The following SDK1 variants were observed in gnomAD, a reference collection of about 807,000 sequenced individuals.
SDK1 encodes the protein sidekick cell adhesion molecule 1, also known as protein sidekick-1.
A neutral mutation model predicts 245.5 loss-of-function variants in SDK1; 157 were observed. The ratio of observed to expected loss-of-function variants is 0.64; its 90% CI spans 0.56 to 0.73. The LOEUF (loss-of-function observed/expected upper bound fraction) is 0.73. Ranked by LOEUF, SDK1 falls within the 30% of genes least tolerant of loss-of-function variation. The probability of loss-of-function intolerance (pLI) is 0.00; values close to 1 mark genes in which losing one functional copy is unlikely to be tolerated. For missense variants in SDK1, 3,583 were observed against 3,002.3 expected (o/e 1.19, Z -4.52); for synonymous variants, 1,647 against 1,278.5 (o/e 1.29, Z -6.15).
intron 1 of SDK1, among the ~76,000 whole-genome samples, chr7:3,432,163 TTATA>T (rs141187637): frequency 1.4e-5 from 2 of 147,492 alleles, no homozygotes; most frequent in African/African-American, 4.9e-5. Context: ...ATATATATTT[TTATA>T]TATATATATA....
intron 1 of SDK1, among the ~76,000 whole-genome samples, chr7:3,390,210 A>C (rs934204928): frequency 2.6e-5 from 4 of 152,182 alleles, no homozygotes; most frequent in African/African-American, 4.8e-5. Context: ...TTCATGCCGG[A>C]GGGTTCCAGG....
At chr7:4,139,290 G>A (rs1010712626) in intron 28 of SDK1, among the ~76,000 whole-genome samples, 2 of 152,120 alleles carry the variant, frequency 1.3e-5, no homozygotes, top group African/African-American at 4.8e-5. Context: ...TGATTTCATG[G>A]GTTTTTTTTT....
chr7:4,268,064 C>T lies in SDK1; in HGVS notation c.*2680C>T. 2.0e-6 allele frequency: 2 copies of T among 985,416 alleles called. No homozygotes were observed. The highest frequency in any genetic ancestry group is 2.4e-6 in the Non-Finnish European group (2 of 829,906). 61.0% of individuals were successfully genotyped at this position (985,416 alleles called of 1,614,324 possible). On this transcript the variant is annotated 3_prime_UTR_variant, in exon 45 of 45. Coordinates refer to ENST00000404826, the MANE Select transcript of SDK1 (RefSeq NM_152744.4). ...TTTAATCTCGGTTTTAAAAAGAGGACAAACAAAATGTCTCTAAGCCAGGCT... is the reference window on the plus strand; with the variant it reads ...TTTAATCTCGGTTTTAAAAAGAGGATAAACAAAATGTCTCTAAGCCAGGCT...
intron 1 of SDK1, among the ~76,000 whole-genome samples, chr7:3,508,686 T>A (rs1247912516): frequency 6.6e-6 from 1 of 152,194 alleles, no homozygotes; most frequent in Non-Finnish European, 1.5e-5. Flanking sequence ...AGACCTTTCC[T>A]GATTCTTCAA....
chr7:3,614,317 G>T (rs1274086497), intron 1 of SDK1, among the ~76,000 whole-genome samples: 4 of 152,104 alleles, frequency 2.6e-5, no homozygotes, highest in Non-Finnish European at 4.4e-5. Context: ...TTATTCTAGG[G>T]TCTTCTAATG....
At chr7:4,057,605 C>T (rs1779281914) in intron 19 of SDK1, among the ~76,000 whole-genome samples, 1 of 152,170 alleles carries the variant, frequency 6.6e-6, no homozygotes, top group African/African-American at 2.4e-5. Flanking sequence ...CTGAGCAACC[C>T]ACCTAGAATG....
chr7:3,529,439 T>G (rs1385712959), intron 1 of SDK1, among the ~76,000 whole-genome samples: 3 of 152,212 alleles, frequency 2.0e-5, no homozygotes, highest in Non-Finnish European at 4.4e-5. Context: ...CCTTTCAAGT[T>G]ACAGGTCCCA....
intron 5 of SDK1, among the ~76,000 whole-genome samples, chr7:3,865,641 T>G (rs1305397376): frequency 6.6e-6 from 1 of 151,828 alleles, no homozygotes; most frequent in African/African-American, 2.4e-5. Flanking sequence ...CTCAAGTAAC[T>G]GGGACTACAG....
chr7:3,911,021 G>GGAAAGGC (rs1562530371), intron 5 of SDK1, among the ~76,000 whole-genome samples: 2 of 152,186 alleles, frequency 1.3e-5, no homozygotes, highest in Admixed American at 6.5e-5. Context: ...CGCCACTGAT[G>GGAAAGGC]CACAGCCTTT....
At chr7:3,620,667 C>T (rs987009853) in intron 2 of SDK1, among the ~76,000 whole-genome samples, 6 of 152,132 alleles carry the variant, frequency 3.9e-5, no homozygotes, top group South Asian at 2.1e-4. Context: ...CCAGCCTCTG[C>T]AGACCAGTCA....
chr7:4,077,007 T>C lies in SDK1; in HGVS notation c.3020T>C (p.Ile1007Thr), dbSNP rs539076901. Residue 1007 changes from isoleucine to threonine, a missense_variant, in exon 21 of 45, where the codon ATC becomes ACC. By Grantham distance (89) the Ile-to-Thr change is moderately conservative (BLOSUM62 -1). Transcript: ENST00000404826. ...EKNGIITGYQ[I>T]SWEVYGRNDS... ...TCCTGTTGCTTTCTAGGCTATCAGA[T>C]CTCTTGGGAAGTGTACGGCAGGAAC... 2 of 1,613,958 alleles carry C rather than the reference T, an allele frequency of 1.2e-6. No individual in the cohort carries two copies. Among genetic ancestry groups the C allele is most frequent in the South Asian group, 2.2e-5 (2 of 91,074 alleles).
chr7:3,658,514 A>G (rs1167294138), intron 4 of SDK1, among the ~76,000 whole-genome samples: 1 of 151,584 alleles, frequency 6.6e-6, no homozygotes, highest in Non-Finnish European at 1.5e-5. Context: ...ATTGAGATGT[A>G]ATTTACCTAC....
intron 1 of SDK1, among the ~76,000 whole-genome samples, chr7:3,541,937 G>A (rs776944342): frequency 8.5e-5 from 13 of 152,282 alleles, no homozygotes; most frequent in Admixed American, 3.3e-4. Context: ...AGATATGTCC[G>A]TAAGCCTTGA....
intron 1 of SDK1, among the ~76,000 whole-genome samples, chr7:3,315,512 A>G (rs997705553): frequency 5.3e-5 from 8 of 152,124 alleles, no homozygotes; most frequent in African/African-American, 1.4e-4. Flanking sequence ...TCACGCATGC[A>G]CATGCAAGTA....
chr7:3,551,788 A>ATCCT (rs1180561770), intron 1 of SDK1, among the ~76,000 whole-genome samples: 1 of 151,596 alleles, frequency 6.6e-6, no homozygotes, highest in African/African-American at 2.4e-5. Flanking sequence ...CAGTGTTTCC[A>ATCCT]CCCTGGCCTC....
Position 4,208,350 on chromosome 7 carries a change from C to T in SDK1, c.5401+65C>T, listed in dbSNP as rs1784346116. On this transcript the variant is annotated intron_variant, in intron 37 of 44. Transcript: ENST00000404826. ...GACACGTGTTTTGAGAGCGCCAGCT[C>T]AGGTCCCCTCACACAGTGGTTCCCG... 3 of 1,466,072 alleles carry T rather than the reference C, an allele frequency of 2.0e-6. No individual in the cohort carries two copies. The Admixed American group carries it at 5.7e-5, about 28-fold the overall frequency. 90.8% of individuals were successfully genotyped at this position (1,466,072 alleles called of 1,614,324 possible).
intron 35 of SDK1, 125 bp from the exon 36 acceptor site, chr7:4,205,754 G>A: frequency 1.3e-6 from 1 of 785,262 alleles, no homozygotes; most frequent in Middle Eastern, 3.6e-4. Flanking sequence ...ACGGCCCAGG[G>A]AAGAATCTCT....
intron 1 of SDK1, among the ~76,000 whole-genome samples, chr7:3,356,566 G>A (rs1376017079): frequency 1.3e-5 from 2 of 152,080 alleles, no homozygotes; most frequent in Admixed American, 6.5e-5. Context: ...TTTATTTTCT[G>A]TGTGTATTCT....
At chr7:3,801,499 T>G (rs1167340115) in intron 4 of SDK1, among the ~76,000 whole-genome samples, 1 of 152,180 alleles carries the variant, frequency 6.6e-6, no homozygotes. Flanking sequence ...CTTATGACCA[T>G]TGTAGATTGT....
Sources: allele counts gnomAD v4.1 joint callset (sites outside exome capture counted in the v4.1 genomes callset), GRCh38; gene constraint gnomAD v4.1.1; transcripts MANE v1.5; gene names NCBI Gene and HGNC (gene_info 2026-07-23, HGNC 2026-07-21).